RPS6KA5: variants seen among roughly 807,000 people sequenced by gnomAD.
RPS6KA5 encodes ribosomal protein S6 kinase A5.
In RPS6KA5, 27 loss-of-function variants were observed where a neutral mutation model predicts 85.5. The observed-to-expected ratio is 0.32, with a 90% CI of 0.23 to 0.44. The LOEUF is 0.44. Among genes scored for constraint, RPS6KA5 ranks in the 20% least tolerant of loss-of-function variants. The pLI is 1.00. For missense variants in RPS6KA5, 811 were observed against 980.9 expected (o/e 0.83, Z 2.31); for synonymous variants, 334 against 348.2 (o/e 0.96, Z 0.46).
intron 8 of RPS6KA5, among the ~76,000 whole-genome samples, chr14:90,904,971 A>G (rs1167695970): frequency 1.3e-5 from 2 of 152,196 alleles, no homozygotes; most frequent in African/African-American, 4.8e-5. Flanking sequence ...TTAACTTTTG[A>G]GATAAACTTC....
chr14:90,977,494 T>A (rs1274287409), intron 3 of RPS6KA5, among the ~76,000 whole-genome samples: 1 of 152,064 alleles, frequency 6.6e-6, no homozygotes, highest in East Asian at 1.9e-4. Flanking sequence ...GAAATGGGAG[T>A]GTAAAGGGCT....
intron 12 of RPS6KA5, among the ~76,000 whole-genome samples, chr14:90,896,807 G>A (rs977733710): frequency 5.9e-5 from 9 of 152,060 alleles, no homozygotes; most frequent in South Asian, 2.1e-4. Context: ...TGCAACCTCC[G>A]CCTCCCAAGT....
At chr14:90,911,939 A>G (rs1358241139) in intron 7 of RPS6KA5, among the ~76,000 whole-genome samples, 17 of 152,162 alleles carry the variant, frequency 1.1e-4, no homozygotes, top group Non-Finnish European at 2.9e-5. Flanking sequence ...GAGTACACAG[A>G]GTGGCAAGGA....
At chr14:90,992,200 C>T (rs1191922392) in intron 2 of RPS6KA5, among the ~76,000 whole-genome samples, 1 of 152,102 alleles carries the variant, frequency 6.6e-6, no homozygotes, top group Non-Finnish European at 1.5e-5. Flanking sequence ...CCACCTACTC[C>T]ATTTAGTCAT....
Position 90,866,912 on chromosome 14 carries a change from T to G in RPS6KA5, c.*5162A>C, listed in dbSNP as rs769926356. On this transcript the variant is annotated 3_prime_UTR_variant, in exon 17 of 17. Transcript: ENST00000614987. ...TTGTACATTGCTAGTATTTATAATT[T>G]CAGCAAATAGGATAGCAGTATAGTA... 6.6e-6 allele frequency: 1 copy of G among 152,204 alleles called. No homozygotes were observed. The highest frequency in any genetic ancestry group is 2.4e-5 in the African/African-American group (1 of 41,452). 9.4% of individuals were successfully genotyped at this position (152,204 alleles called of 1,614,324 possible). A position where few individuals can be genotyped will look rare whatever the true frequency, so the allele number is the denominator to read the frequency against.
At chr14:91,028,093 T>C (rs2042051337) in intron 1 of RPS6KA5, among the ~76,000 whole-genome samples, 2 of 152,250 alleles carry the variant, frequency 1.3e-5, no homozygotes, top group Non-Finnish European at 2.9e-5. Flanking sequence ...TGTAATATTT[T>C]ATTTGGCCAA....
At chr14:90,918,080 A>C (rs529379740) in intron 7 of RPS6KA5, among the ~76,000 whole-genome samples, 14 of 152,336 alleles carry the variant, frequency 9.2e-5, no homozygotes, top group African/African-American at 3.4e-4. Context: ...TTAGACAGTG[A>C]GTAACGTTTA....
chr14:90,883,645 GTTGAT>G (rs1186750309), intron 14 of RPS6KA5, among the ~76,000 whole-genome samples: 1 of 152,018 alleles, frequency 6.6e-6, no homozygotes, highest in African/African-American at 2.4e-5. Context: ...AACAGTTTCT[GTTGAT>G]TTATTTTTTT....
intron 5 of RPS6KA5, among the ~76,000 whole-genome samples, chr14:90,934,493 T>G (rs2037160160): frequency 6.6e-6 from 1 of 152,176 alleles, no homozygotes. Flanking sequence ...AGAAAATAGA[T>G]AAAAATAAAC....
chr14:91,032,846 A>G (rs548664724), intron 1 of RPS6KA5, among the ~76,000 whole-genome samples: 2 of 152,266 alleles, frequency 1.3e-5, no homozygotes, highest in East Asian at 3.9e-4. Context: ...GCACTTCACA[A>G]AAGAAATCTA....
intron 1 of RPS6KA5, among the ~76,000 whole-genome samples, chr14:91,046,566 T>C (rs1381269021): frequency 6.6e-6 from 1 of 152,186 alleles, no homozygotes; most frequent in Non-Finnish European, 1.5e-5. Context: ...AAATATTTCC[T>C]TTAAAAAAAT....
intron 14 of RPS6KA5, among the ~76,000 whole-genome samples, chr14:90,883,332 C>T (rs2033978147): frequency 6.6e-6 from 1 of 151,938 alleles, no homozygotes; most frequent in Non-Finnish European, 1.5e-5. Context: ...TCATTTTTCT[C>T]TCTGTTCCTC....
intron 14 of RPS6KA5, among the ~76,000 whole-genome samples, chr14:90,886,784 T>C (rs1196599849): frequency 6.6e-6 from 1 of 152,232 alleles, no homozygotes; most frequent in Non-Finnish European, 1.5e-5. Flanking sequence ...TAATATACCG[T>C]GTAAGCTCTA....
At chr14:91,037,133 T>C (rs542314096) in intron 1 of RPS6KA5, among the ~76,000 whole-genome samples, 40 of 152,166 alleles carry the variant, frequency 2.6e-4, no homozygotes, top group Non-Finnish European at 5.0e-4. Flanking sequence ...TCAAGGGATA[T>C]AGTGGAATGT....
At position 91,003,191 on chromosome 14, in the gene RPS6KA5, C is replaced by T. The variant is rs533950587; in HGVS notation, c.104-2032G>A. Among the ~76,000 whole-genome samples the T allele has an allele frequency of 5.9e-5, 9 of 151,962 alleles. No individual in the cohort carries two copies. In the East Asian group the frequency reaches 1.7e-3, roughly 29 times the overall value. On this transcript the variant is annotated intron_variant, in intron 1 of 16. Transcript: ENST00000614987. ...ACTATTAGGAATCCTTTTTTATTTA[C>T]TGAGATATGTACAAGCCCAGCTTTC...
intron 6 of RPS6KA5, among the ~76,000 whole-genome samples, chr14:90,920,938 C>T (rs1330212517): frequency 6.6e-6 from 1 of 152,006 alleles, no homozygotes; most frequent in Non-Finnish European, 1.5e-5. Flanking sequence ...CACTATGTTG[C>T]CCAGGCTGGT....
intron 1 of RPS6KA5, among the ~76,000 whole-genome samples, chr14:91,024,491 A>C (rs577631617): frequency 6.6e-6 from 1 of 152,254 alleles, no homozygotes; most frequent in East Asian, 1.9e-4. Flanking sequence ...CTAGGCATTT[A>C]TTACACAGCA....
intron 5 of RPS6KA5, among the ~76,000 whole-genome samples, chr14:90,936,264 T>C (rs1307475421): frequency 6.6e-6 from 1 of 152,200 alleles, no homozygotes; most frequent in African/African-American, 2.4e-5. Flanking sequence ...CTGCAAACCA[T>C]TATCCAGAAA....
intron 12 of RPS6KA5, among the ~76,000 whole-genome samples, chr14:90,898,046 G>C (rs1310395427): frequency 3.3e-5 from 5 of 152,206 alleles, no homozygotes; most frequent in African/African-American, 9.6e-5. Flanking sequence ...GAACCAAAGA[G>C]TGAGTAGAGG....
Sources: allele counts gnomAD v4.1 joint callset (sites outside exome capture counted in the v4.1 genomes callset), GRCh38; gene constraint gnomAD v4.1.1; transcripts MANE v1.5; gene names NCBI Gene and HGNC (gene_info 2026-07-23, HGNC 2026-07-21).